The following SCAF8 variants were observed in gnomAD, a reference collection of about 807,000 sequenced individuals.
The protein encoded by SCAF8 is SR-related CTD associated factor 8.
A neutral mutation model predicts 140.5 loss-of-function variants in SCAF8; 23 were observed. The ratio of observed to expected loss-of-function variants is 0.16; its 90% confidence interval spans 0.12 to 0.23. The LOEUF is 0.23. Among genes scored for constraint, SCAF8 ranks in the 10% least tolerant of loss-of-function variants. The pLI, the probability that SCAF8 is intolerant of heterozygous loss-of-function variation, is 1.00. For synonymous variants in SCAF8, 575 were observed against 528.9 expected (o/e 1.09, Z -1.20); for missense variants, 1,397 against 1,555.7 (o/e 0.90, Z 1.72).
Position 154,833,399 on chromosome 6 carries a change from T to G in SCAF8, c.*4T>G. 1 of 1,609,824 alleles carries G rather than the reference T, an allele frequency of 6.2e-7. No homozygotes were observed. The highest frequency in any genetic ancestry group is 8.5e-7 in the Non-Finnish European group (1 of 1,178,278). On this transcript the variant is annotated 3_prime_UTR_variant, in exon 20 of 20. Coordinates refer to ENST00000367178, the MANE Select transcript of SCAF8 (RefSeq NM_014892.5). The stretch of plus-strand genomic sequence containing the variant: ...CACAGAAACTGAGGGGACATAATCA[T>G]CACTCAGTAGGTAAAAGATACCTTT...
Position 154,833,102 on chromosome 6 carries a change from G to A in SCAF8, c.3523G>A (p.Gly1175Arg). 1 of 1,614,110 alleles carries A rather than the reference G, an allele frequency of 6.2e-7. No homozygotes were observed. The change falls in exon 20 of 20, where the codon GGA becomes AGA. Residue 1175 changes from glycine (G) to arginine (R), a missense_variant. Transcript: ENST00000367178. ...RDFDFCREMNGNRLGRDRIQN... is the reference protein window; with the variant it reads ...RDFDFCREMNRNRLGRDRIQN... ...TTTTGATTTCTGCAGAGAAATGAAT[G>A]GAAATCGTCTTGGACGAGACAGAAT...
chr6:154,750,110 T>C (rs1357722475), intron 1 of SCAF8, among the ~76,000 whole-genome samples: 1 of 137,906 alleles, frequency 7.3e-6, no homozygotes, highest in Non-Finnish European at 1.6e-5. Context: ...AATGATAATT[T>C]GGGGGGGATA....
chr6:154,791,872 A>G (rs1378901595), intron 4 of SCAF8, among the ~76,000 whole-genome samples: 2 of 152,266 alleles, frequency 1.3e-5, no homozygotes, highest in Admixed American at 1.3e-4. Flanking sequence ...TGGGATGGGC[A>G]ATGTTGAGAC....
chr6:154,830,828 A>T (rs761015998), intron 18 of SCAF8, 94 bp from the exon 19 acceptor site: 43 of 845,202 alleles, frequency 5.1e-5, no homozygotes, highest in Non-Finnish European at 8.1e-5. Flanking sequence ...AGTAATACAG[A>T]GATGCCATTA....
At chr6:154,748,966 G>A (rs531808043) in intron 1 of SCAF8, among the ~76,000 whole-genome samples, 3 of 152,000 alleles carry the variant, frequency 2.0e-5, no homozygotes, top group South Asian at 2.1e-4. Context: ...TTTTTGAGAC[G>A]GAGTTTTCTC....
At chr6:154,785,101 A>G (rs150636600) in intron 3 of SCAF8, among the ~76,000 whole-genome samples, 2,479 of 152,228 alleles carry the variant, frequency 0.016, 24 homozygotes, top group Middle Eastern at 0.048. Context: ...ATGTAATCCT[A>G]TGGTATGTAT....
intron 3 of SCAF8, among the ~76,000 whole-genome samples, chr6:154,786,975 C>T (rs536096477): frequency 1.6e-3 from 251 of 152,308 alleles, no homozygotes; most frequent in African/African-American, 5.8e-3. Context: ...GTATGTGTAT[C>T]TAAAGATACT....
At chr6:154,781,109 C>T (rs989167727) in intron 3 of SCAF8, among the ~76,000 whole-genome samples, 2 of 152,078 alleles carry the variant, frequency 1.3e-5, no homozygotes, top group Non-Finnish European at 2.9e-5. Context: ...CCCAAAAACT[C>T]CTTAAACTGA....
In SCAF8 at chr6:154,745,168, T is replaced by C. The variant is rs539267632; in HGVS notation, c.30+11238T>C. On this transcript the variant is annotated intron_variant, in intron 1 of 19. Transcript: ENST00000367178. Reference sequence around the variant, plus strand: ...TCAATTGGTTACTCCTCTTCTCTTGTATGACCTTTGAGATGATATTTGATT... The same window carrying C: ...TCAATTGGTTACTCCTCTTCTCTTGCATGACCTTTGAGATGATATTTGATT... 2.0e-5 allele frequency among the ~76,000 whole-genome samples: 3 copies of C among 152,322 alleles called. No individual in the cohort carries two copies. The South Asian group carries it at 6.2e-4, about 32-fold the overall frequency.
At chr6:154,779,914 C>T (rs764415525) in intron 3 of SCAF8, among the ~76,000 whole-genome samples, 10 of 152,062 alleles carry the variant, frequency 6.6e-5, no homozygotes, top group East Asian at 1.9e-4. Flanking sequence ...CCTGTGGTAA[C>T]GTTCTGTAGA....
At chr6:154,819,778 C>T (rs1304232302) in intron 14 of SCAF8, among the ~76,000 whole-genome samples, 1 of 152,162 alleles carries the variant, frequency 6.6e-6, no homozygotes, top group Non-Finnish European at 1.5e-5. Flanking sequence ...TGGTGAGGCA[C>T]AGTGGCTCAC....
intron 6 of SCAF8, 29 bp downstream of exon 6, chr6:154,795,168 T>A: frequency 6.4e-7 from 1 of 1,573,300 alleles, no homozygotes; most frequent in Non-Finnish European, 8.6e-7. Flanking sequence ...ATATCAAGAA[T>A]AATTTAGAAT....
intron 3 of SCAF8, among the ~76,000 whole-genome samples, chr6:154,782,808 C>A (rs567467351): frequency 6.6e-6 from 1 of 152,154 alleles, no homozygotes; most frequent in East Asian, 1.9e-4. Flanking sequence ...GCCAATCTCT[C>A]GTTTTCATAT....
intron 1 of SCAF8, among the ~76,000 whole-genome samples, chr6:154,742,428 A>C (rs1778594553): frequency 6.6e-6 from 1 of 152,194 alleles, no homozygotes; most frequent in South Asian, 2.1e-4. Context: ...AGGAATAAAG[A>C]ATTGAATTTT....
At chr6:154,799,232 C>A (rs1303859242) in intron 6 of SCAF8, among the ~76,000 whole-genome samples, 1 of 151,164 alleles carries the variant, frequency 6.6e-6, no homozygotes, top group Non-Finnish European at 1.5e-5. Flanking sequence ...CCCACGTCAG[C>A]CTCCCAAAGT....
intron 4 of SCAF8, among the ~76,000 whole-genome samples, chr6:154,790,491 T>TTTA: frequency 1.7e-4 from 1 of 6,050 alleles, no homozygotes; most frequent in Non-Finnish European, 2.4e-4. Flanking sequence ...TTAACAGAAT[T>TTTA]TTTTTTTTTT....
At chr6:154,772,708 CAAT>C (rs1361092593) in intron 1 of SCAF8, among the ~76,000 whole-genome samples, 1 of 152,038 alleles carries the variant, frequency 6.6e-6, no homozygotes, top group African/African-American at 2.4e-5. Flanking sequence ...ATCAATCAAT[CAAT>C]AAAGTGGGGG....
Position 154,833,783 on chromosome 6 carries a change from A to G in SCAF8, c.*388A>G, listed in dbSNP as rs776255772. 6.2e-6 allele frequency: 1 copy of G among 161,398 alleles called. No individual in the cohort carries two copies. Among genetic ancestry groups the G allele is most frequent in the Non-Finnish European group, 1.4e-5 (1 of 73,946 alleles). The allele number at this position is 161,398 out of a possible 1,614,324, so 10.0% of individuals were successfully genotyped here. A position where few individuals can be genotyped will look rare whatever the true frequency, so the allele number is the denominator to read the frequency against. On this transcript the variant is annotated 3_prime_UTR_variant, in exon 20 of 20. Coordinates refer to ENST00000367178, the MANE Select transcript of SCAF8 (RefSeq NM_014892.5). ...GGTGGTATATCTTATCCATATCTTT[A>G]GGCTGCTGCAGAATTTTAAGGTTAT...
intron 6 of SCAF8, among the ~76,000 whole-genome samples, chr6:154,800,007 A>G (rs1254756868): frequency 2.0e-5 from 3 of 151,104 alleles, no homozygotes; most frequent in African/African-American, 7.3e-5. Context: ...GCTGGTCTCA[A>G]ACTCCTGACT....
Sources: gnomAD v4.1 joint callset for allele counts (sites outside exome capture counted in the v4.1 genomes callset) on GRCh38, gnomAD v4.1.1 for gene constraint, MANE v1.5 for transcripts, NCBI Gene and HGNC (gene_info 2026-07-23, HGNC 2026-07-21) for gene names.